Variants in PKNOX2 observed in about 807,000 individuals in gnomAD.
PKNOX2 encodes the protein PBX/knotted 1 homeobox 2, also known as homeobox protein PKNOX2.
A neutral mutation model predicts 53.1 loss-of-function variants in PKNOX2; 14 were observed. That is an observed-to-expected ratio of 0.26 (90% CI 0.17 to 0.41). The LOEUF is 0.41. PKNOX2 is among the 10% of genes least tolerant of loss of function. The pLI is 1.00. For synonymous variants in PKNOX2, 257 were observed against 242.8 expected, an observed-to-expected ratio of 1.06 and a Z score of -0.54; for missense variants, 496 against 602.8, an observed-to-expected ratio of 0.82 and a Z score of 1.85.
chr11:125,375,258 T>A (rs917568878), intron 5 of PKNOX2, among the ~76,000 whole-genome samples: 5 of 152,028 alleles, frequency 3.3e-5, no homozygotes, highest in African/African-American at 1.2e-4. Flanking sequence ...CACACACAAG[T>A]ATTATTACAA....
intron 1 of PKNOX2, among the ~76,000 whole-genome samples, chr11:125,199,209 T>C (rs1290116723): frequency 6.6e-6 from 1 of 152,090 alleles, no homozygotes; most frequent in African/African-American, 2.4e-5. Context: ...CCAGGTGGCA[T>C]GTTATTTCCC....
At chr11:125,212,449 C>CTTTTTTTT in intron 1 of PKNOX2, among the ~76,000 whole-genome samples, 1 of 105,396 alleles carries the variant, frequency 9.5e-6, no homozygotes, top group Non-Finnish European at 2.0e-5. Flanking sequence ...GGAGGGGATT[C>CTTTTTTTT]TTTTTTTTTT....
intron 2 of PKNOX2, chr11:125,239,648 G>A (rs1322885550): frequency 1.3e-5 from 2 of 152,230 alleles, no homozygotes; most frequent in African/African-American, 4.8e-5. Context: ...GTGCCCGCAA[G>A]AAATCAGGCA....
Position 125,411,119 on chromosome 11 carries a change from G to A in PKNOX2, c.816+243G>A, listed in dbSNP as rs765502487. ...GATCCTGCACTTCCTATTCCTGTCT[G>A]CAGACTGAGCCGCTGTGTCCCTCAG... On this transcript the variant is annotated intron_variant, in intron 9 of 12. Coordinates refer to ENST00000298282, the MANE Select transcript of PKNOX2 (RefSeq NM_001382323.2). 4 of 452,792 alleles carry A rather than the reference G, an allele frequency of 8.8e-6. No homozygotes were observed. In the Admixed American group the frequency reaches 1.1e-4, roughly 12 times the overall value. 28.0% of individuals were successfully genotyped at this position (452,792 alleles called of 1,614,324 possible). A position where few individuals can be genotyped will look rare whatever the true frequency, so the allele number is the denominator to read the frequency against.
chr11:125,210,216 A>T (rs568250452), intron 1 of PKNOX2, among the ~76,000 whole-genome samples: 1 of 152,226 alleles, frequency 6.6e-6, no homozygotes, highest in South Asian at 2.1e-4. Flanking sequence ...CCCATGGGCC[A>T]GTGGTTCTTA....
At chr11:125,284,281 T>C (rs2135868599) in intron 2 of PKNOX2, among the ~76,000 whole-genome samples, 1 of 152,324 alleles carries the variant, frequency 6.6e-6, no homozygotes, top group South Asian at 2.1e-4. Context: ...ACTAGGGCAG[T>C]AGGAGGGCTC....
chr11:125,165,043 C>T lies in PKNOX2; in HGVS notation c.-201+267C>T, dbSNP rs1269586956. On this transcript the variant is annotated intron_variant, in intron 1 of 12. Transcript: ENST00000298282. This position sits in a 1 kb window ranked among gnomAD's most constrained non-coding sequence, Gnocchi z 4.5. The stretch of plus-strand genomic sequence containing the variant: ...GTGCAGAGAGAAGCTGGGGAAGCGC[C>T]GGGAGAGCGCGGAGCGGAGCAGCGC... 1.3e-5 allele frequency among the ~76,000 whole-genome samples: 2 copies of T among 150,918 alleles called. No homozygotes were observed. The highest frequency in any genetic ancestry group is 2.4e-5 in the African/African-American group (1 of 41,172).
chr11:125,255,385 AC>A (rs1944334831), intron 2 of PKNOX2, among the ~76,000 whole-genome samples: 1 of 152,008 alleles, frequency 6.6e-6, no homozygotes, highest in Admixed American at 6.6e-5. Context: ...AGCCCAGCCC[AC>A]CCCCGGGATG....
rs554347477 is a variant in PKNOX2 at position 125,177,396 on chromosome 11, C to T, written c.-201+12620C>T. Among the ~76,000 whole-genome samples the T allele has an allele frequency of 1.4e-4, 21 of 152,210 alleles. No individual in the cohort carries two copies. The South Asian group carries it at 1.4e-3, about 11-fold the overall frequency. ...TGTGAAAAGGAAAGCCAGTGGCCTC[C>T]TGCCTAGGGTTTGGGCATCCTCAGA... On this transcript the variant is annotated intron_variant, in intron 1 of 12. Coordinates refer to ENST00000298282, the MANE Select transcript of PKNOX2 (RefSeq NM_001382323.2).
rs1951395125 is a variant in PKNOX2 at position 125,352,844 on chromosome 11, T to A, written c.87+1452T>A. On this transcript the variant is annotated intron_variant, in intron 4 of 12. Transcript: ENST00000298282. This position sits in a 1 kb window ranked among gnomAD's most constrained non-coding sequence, Gnocchi z 4.1. ...AGCTTCCATTAATAAGCCACAGGGT[T>A]GAACTTGGCCTTTACATGGCTCTTG... Among the ~76,000 whole-genome samples, 1 of 152,200 alleles carries A rather than the reference T, an allele frequency of 6.6e-6. No individual in the cohort carries two copies. Among genetic ancestry groups the A allele is most frequent in the Non-Finnish European group, 1.5e-5 (1 of 68,038 alleles).
chr11:125,340,817 C>T (rs1285406495), intron 3 of PKNOX2, among the ~76,000 whole-genome samples: 3 of 151,974 alleles, frequency 2.0e-5, no homozygotes, highest in Admixed American at 6.6e-5. Context: ...TTTGGGAGGC[C>T]GAAGTGGGTG....
At chr11:125,267,389 C>G (rs1479055631) in intron 2 of PKNOX2, among the ~76,000 whole-genome samples, 2 of 152,226 alleles carry the variant, frequency 1.3e-5, no homozygotes, top group African/African-American at 2.4e-5. Context: ...ATGGCAGCCT[C>G]TCCTCCTGAG....
rs1952458780 is a variant in PKNOX2 at position 125,370,354 on chromosome 11, C to A, written c.227+2369C>A. 6.6e-6 allele frequency among the ~76,000 whole-genome samples: 1 copy of A among 152,238 alleles called. No individual in the cohort carries two copies. Among genetic ancestry groups the A allele is most frequent in the African/African-American group, 2.4e-5 (1 of 41,462 alleles). ...CAGGCTCGTACCCTACCCAGGCCAA[C>A]CTGCAGGAGAGGTGGGTCACTGCCC... On this transcript the variant is annotated intron_variant, in intron 5 of 12. Coordinates refer to ENST00000298282, the MANE Select transcript of PKNOX2 (RefSeq NM_001382323.2). The surrounding 1 kb of genome is among the most constrained non-coding windows in gnomAD (Gnocchi z 4.1).
intron 2 of PKNOX2, among the ~76,000 whole-genome samples, chr11:125,260,808 C>T (rs1177114425): frequency 6.6e-6 from 1 of 152,112 alleles, no homozygotes; most frequent in Admixed American, 6.5e-5. Context: ...TCCTGCTATA[C>T]AAGAGATGTT....
At chr11:125,385,430 A>C in intron 5 of PKNOX2, 121 bp from the exon 6 acceptor site, 1 of 1,148,196 alleles carries the variant, frequency 8.7e-7, no homozygotes, top group South Asian at 1.7e-5. Flanking sequence ...GGATGTTATC[A>C]AGGAGTGGGA....
intron 1 of PKNOX2, among the ~76,000 whole-genome samples, chr11:125,172,034 G>A (rs1159666436): frequency 2.0e-5 from 3 of 152,216 alleles, no homozygotes; most frequent in Non-Finnish European, 2.9e-5. Context: ...TGGGAGGAAG[G>A]GAGCCTCTGC....
At chr11:125,398,185 T>C in intron 7 of PKNOX2, 123 bp downstream of exon 7, 1 of 971,024 alleles carries the variant, frequency 1.0e-6, no homozygotes, top group Non-Finnish European at 1.5e-6. Context: ...TCCTTTGCCA[T>C]GAGGGCCCTC....
intron 2 of PKNOX2, among the ~76,000 whole-genome samples, chr11:125,306,533 T>C (rs1948470615): frequency 6.6e-6 from 1 of 152,222 alleles, no homozygotes; most frequent in Non-Finnish European, 1.5e-5. Context: ...ATGTCCACCA[T>C]AAAACCCTTA....
chr11:125,254,275 G>A (rs1944231190), intron 2 of PKNOX2, among the ~76,000 whole-genome samples: 1 of 152,206 alleles, frequency 6.6e-6, no homozygotes, highest in South Asian at 2.1e-4. Flanking sequence ...AATCTCAGAT[G>A]GTGCACTGAT....
Sources: allele counts gnomAD v4.1 joint callset (sites outside exome capture counted in the v4.1 genomes callset), GRCh38; gene constraint gnomAD v4.1.1; non-coding constraint Gnocchi (gnomAD v3.1); transcripts MANE v1.5; gene names NCBI Gene and HGNC (gene_info 2026-07-23, HGNC 2026-07-21).